Variants in USH2A observed in about 807,000 individuals in gnomAD.
USH2A encodes Usher syndrome 2A (autosomal recessive, mild).
Under a neutral mutation model 538.9 loss-of-function variants are expected in USH2A, and 443 were observed. That is an observed-to-expected ratio of 0.82 (90% confidence interval 0.76 to 0.89). USH2A has a LOEUF of 0.89. Ranked by LOEUF, USH2A falls within the 40% of genes least tolerant of loss-of-function variation. The pLI is 0.00. For synonymous variants in USH2A, 2,413 were observed against 2,273.5 expected (o/e 1.06, Z -1.75); for missense variants, 6,633 against 6,324.8 (o/e 1.05, Z -1.65).
At chr1:215,926,725 C>A (rs1416819153) in intron 38 of USH2A, among the ~76,000 whole-genome samples, 6 of 142,352 alleles carry the variant, frequency 4.2e-5, no homozygotes, top group African/African-American at 1.3e-4. Context: ...TCAAGCGATT[C>A]TCCTACCCCA....
intron 53 of USH2A, 65 bp downstream of exon 53, chr1:215,782,673 C>A (rs148071837): frequency 1.3e-6 from 2 of 1,537,164 alleles, no homozygotes; most frequent in Non-Finnish European, 9.0e-7. Context: ...GTAGATTGTA[C>A]TCATTTCAAT....
chr1:215,625,863 TC>T lies in USH2A; in HGVS notation c.15526del (p.Asp5176MetfsTer5). 6.2e-7 allele frequency: 1 copy of T among 1,614,080 alleles called. No individual in the cohort carries two copies. The highest frequency in any genetic ancestry group is 8.5e-7 in the Non-Finnish European group (1 of 1,179,960). On this transcript the variant is annotated frameshift_variant, in exon 72 of 72. Coordinates refer to ENST00000307340, the MANE Select transcript of USH2A (RefSeq NM_206933.4). LOFTEE classifies it high-confidence loss of function. ...GATGGCGTTCATCAGGTCCTCTTCA[TC>T]CACATACTGAAAAATAAGCCAATCA... ...IMGHNSGLYVDEEDLMNAIKD... is the reference protein window; with the variant it reads ...IMGHNSGLYVXEEDLMNAIKD...
Position 216,276,760 on chromosome 1 carries a change from A to G in USH2A, c.1971+12520T>C, listed in dbSNP as rs2036678012. ...GGCAGCAGGCAGAGAAAGCTTGTGCAGGTAAACTCCCATTTTTAAAACCAT... is the reference window on the plus strand; with the variant it reads ...GGCAGCAGGCAGAGAAAGCTTGTGCGGGTAAACTCCCATTTTTAAAACCAT... On this transcript the variant is annotated intron_variant, in intron 11 of 71. Transcript: ENST00000307340. 1.3e-5 allele frequency among the ~76,000 whole-genome samples: 2 copies of G among 152,102 alleles called. 1 individual carries two copies. The highest frequency in any genetic ancestry group is 1.3e-4 in the Admixed American group (2 of 15,260).
At chr1:215,649,863 G>A (rs1223718162) in intron 65 of USH2A, among the ~76,000 whole-genome samples, 1 of 152,178 alleles carries the variant, frequency 6.6e-6, no homozygotes, top group Non-Finnish European at 1.5e-5. Context: ...ATACCACAGA[G>A]ACAAGAGTCT....
chr1:215,628,871 C>A lies in USH2A; in HGVS notation c.15462G>T (p.Lys5154Asn). ...SVSQLMDIQDKKVLMDNSLWE... is the reference protein window; with the variant it reads ...SVSQLMDIQDNKVLMDNSLWE... ...ACAGTGAGTTGTCCATCAAGACTTT[C>A]TTGTCTTGAATGTCCATGAGCTGGC... Residue 5154 changes from lysine to asparagine, a missense_variant, in exon 71 of 72, where the codon AAG becomes AAT. Physicochemically the swap from Lys to Asn is moderately conservative, Grantham distance 94. Transcript: ENST00000307340. 6.2e-7 allele frequency: 1 copy of A among 1,614,150 alleles called. No homozygotes were observed. The highest frequency in any genetic ancestry group is 8.5e-7 in the Non-Finnish European group (1 of 1,180,030).
chr1:216,017,040 C>A (rs1668728790), intron 32 of USH2A, among the ~76,000 whole-genome samples: 1 of 152,078 alleles, frequency 6.6e-6, no homozygotes, highest in South Asian at 2.1e-4. Context: ...ACTCTGGCTT[C>A]CTGAACATCT....
intron 21 of USH2A, among the ~76,000 whole-genome samples, chr1:216,137,669 T>G (rs1276416835): frequency 6.6e-6 from 1 of 152,140 alleles, no homozygotes; most frequent in Non-Finnish European, 1.5e-5. Flanking sequence ...TTTTTCTGCC[T>G]GCTTATATTC....
chr1:216,304,594 T>A (rs2102627459), intron 9 of USH2A, among the ~76,000 whole-genome samples: 1 of 152,180 alleles, frequency 6.6e-6, no homozygotes, highest in East Asian at 1.9e-4. Context: ...TTCCTTGAGG[T>A]GTGACCTTAG....
At chr1:215,750,311 A>G (rs1020392930) in intron 58 of USH2A, among the ~76,000 whole-genome samples, 1 of 152,138 alleles carries the variant, frequency 6.6e-6, no homozygotes, top group Admixed American at 6.6e-5. Context: ...TATAATAGTT[A>G]TCATTTATGT....
At chr1:216,021,882 A>C (rs953872235) in intron 32 of USH2A, among the ~76,000 whole-genome samples, 2 of 152,128 alleles carry the variant, frequency 1.3e-5, no homozygotes, top group East Asian at 3.9e-4. Context: ...TTGATCCCCA[A>C]CATTGAGGCT....
intron 60 of USH2A, among the ~76,000 whole-genome samples, chr1:215,733,800 T>C (rs535447421): frequency 6.6e-6 from 1 of 152,374 alleles, no homozygotes; most frequent in East Asian, 1.9e-4. Flanking sequence ...GGCACACTGC[T>C]GCAAGCACTG....
chr1:216,117,172 G>A (rs1165069536), intron 21 of USH2A, among the ~76,000 whole-genome samples: 1 of 152,042 alleles, frequency 6.6e-6, no homozygotes, highest in Non-Finnish European at 1.5e-5. Context: ...GCATTGTGGA[G>A]GCTCTCCACA....
intron 21 of USH2A, among the ~76,000 whole-genome samples, chr1:216,099,002 T>C (rs140665117): frequency 2.0e-3 from 303 of 152,310 alleles, no homozygotes; most frequent in African/African-American, 6.9e-3. Flanking sequence ...GAGAAGTTTG[T>C]ATAGAAGACA....
chr1:216,308,138 A>C (rs1257075293), intron 9 of USH2A, among the ~76,000 whole-genome samples: 1 of 152,056 alleles, frequency 6.6e-6, no homozygotes, highest in Non-Finnish European at 1.5e-5. Context: ...TATGATTTTA[A>C]AATTTATATA....
intron 60 of USH2A, among the ~76,000 whole-genome samples, chr1:215,740,005 C>T (rs1024150881): frequency 6.6e-6 from 1 of 152,144 alleles, no homozygotes; most frequent in Non-Finnish European, 1.5e-5. Flanking sequence ...AAATACATTG[C>T]TTTCAGAATG....
At chr1:215,676,377 G>T (rs972013811) in intron 62 of USH2A, among the ~76,000 whole-genome samples, 3 of 152,132 alleles carry the variant, frequency 2.0e-5, no homozygotes, top group African/African-American at 7.2e-5. Context: ...AAGATGGGAA[G>T]TAAGTTAATC....
chr1:216,240,356 A>G (rs1320207683), intron 13 of USH2A, among the ~76,000 whole-genome samples: 2 of 152,134 alleles, frequency 1.3e-5, no homozygotes, highest in African/African-American at 4.8e-5. Flanking sequence ...GATTTTATGC[A>G]TCAACTTGGC....
chr1:216,113,497 G>C (rs573905522), intron 21 of USH2A, among the ~76,000 whole-genome samples: 1 of 152,104 alleles, frequency 6.6e-6, no homozygotes, highest in Non-Finnish European at 1.5e-5. Flanking sequence ...ACTAGTATTC[G>C]ATAGATTTAA....
chr1:215,702,185 T>A (rs977538091), intron 61 of USH2A, among the ~76,000 whole-genome samples: 2 of 152,230 alleles, frequency 1.3e-5, no homozygotes, highest in Non-Finnish European at 1.5e-5. Flanking sequence ...TGCAGACAGA[T>A]CCACTGTTAG....
Sources: allele counts gnomAD v4.1 joint callset (sites outside exome capture counted in the v4.1 genomes callset), GRCh38; gene constraint gnomAD v4.1.1; transcripts MANE v1.5; gene names NCBI Gene and HGNC (gene_info 2026-07-23, HGNC 2026-07-21).